Variants in CCDC178 observed in about 807,000 individuals in gnomAD.
The protein encoded by CCDC178 is coiled-coil domain-containing protein 178.
A neutral mutation model predicts 117.4 loss-of-function variants in CCDC178; 126 were observed. That is an observed-to-expected ratio of 1.07 (90% CI 0.93 to 1.24). The LOEUF is 1.24. CCDC178 is among the 50% of genes most tolerant of loss of function. The pLI is 0.00. For missense variants in CCDC178, 1,030 were observed against 986.9 expected (o/e 1.04, Z -0.59); for synonymous variants, 283 against 313.4 (o/e 0.90, Z 1.02).
chr18:33,090,688 A>G (rs1174158608), intron 21 of CCDC178, among the ~76,000 whole-genome samples: 2 of 152,212 alleles, frequency 1.3e-5, no homozygotes, highest in African/African-American at 2.4e-5. Flanking sequence ...TGACACTGAC[A>G]AGGGCAGCCT....
chr18:33,205,134 A>G (rs894407345), intron 20 of CCDC178, among the ~76,000 whole-genome samples: 10 of 152,136 alleles, frequency 6.6e-5, no homozygotes, highest in African/African-American at 9.6e-5. Flanking sequence ...ATAAAATTAA[A>G]TGACAATAGT....
intron 21 of CCDC178, among the ~76,000 whole-genome samples, chr18:33,057,564 T>C (rs2056851150): frequency 6.6e-6 from 1 of 152,160 alleles, no homozygotes; most frequent in South Asian, 2.1e-4. Flanking sequence ...CGATCTGGGC[T>C]CACTGCAACC....
chr18:33,020,839 G>A (rs2144827656), intron 21 of CCDC178, among the ~76,000 whole-genome samples: 1 of 151,974 alleles, frequency 6.6e-6, no homozygotes, highest in South Asian at 2.1e-4. Flanking sequence ...TGTATTTACT[G>A]ACTATATTTA....
chr18:33,287,673 A>G (rs1295295535), intron 12 of CCDC178, among the ~76,000 whole-genome samples: 1 of 152,078 alleles, frequency 6.6e-6, no homozygotes, highest in African/African-American at 2.4e-5. Context: ...CCAGCTACTC[A>G]GGAGGCTGTG....
At chr18:33,257,459 G>T (rs1361054196) in intron 14 of CCDC178, among the ~76,000 whole-genome samples, 1 of 151,918 alleles carries the variant, frequency 6.6e-6, no homozygotes, top group Non-Finnish European at 1.5e-5. Flanking sequence ...TAATTCCCTT[G>T]TTTACCAAGT....
intron 21 of CCDC178, among the ~76,000 whole-genome samples, chr18:33,011,949 G>A (rs1001325018): frequency 2.6e-5 from 4 of 152,084 alleles, no homozygotes; most frequent in African/African-American, 9.7e-5. Context: ...AAGACAGGAA[G>A]TGAACAAGCT....
intron 3 of CCDC178, among the ~76,000 whole-genome samples, chr18:33,411,137 A>G (rs780559884): frequency 6.6e-6 from 1 of 152,152 alleles, no homozygotes; most frequent in African/African-American, 2.4e-5. Flanking sequence ...CATAAAATGA[A>G]TGTTCATGAT....
chr18:32,942,791 T>C (rs1007305174), intron 22 of CCDC178, among the ~76,000 whole-genome samples: 4 of 152,182 alleles, frequency 2.6e-5, no homozygotes, highest in African/African-American at 9.7e-5. Context: ...TCTTGCAAAG[T>C]TAAGTAAGAG....
chr18:33,416,682 C>T (rs145397028), intron 2 of CCDC178, among the ~76,000 whole-genome samples: 2 of 152,250 alleles, frequency 1.3e-5, no homozygotes, highest in East Asian at 1.9e-4. Context: ...CCCACTCCCA[C>T]AAGTAAAGAA....
rs760751082 is a variant in CCDC178, at chr18:33,412,091, T to C, written c.-3A>G. ...GAAACTGTCTTGTTTTCAGTCATAG[T>C]TATAAGAATATTTTAAAACCTAATT... On this transcript the variant is annotated 5_prime_UTR_variant, in exon 3 of 23. Transcript: ENST00000383096. The C allele has an allele frequency of 2.1e-6, 3 of 1,420,450 alleles. No individual in the cohort carries two copies. The highest frequency in any genetic ancestry group is 1.8e-5 in the Admixed American group (1 of 55,996). 88.0% of individuals were successfully genotyped at this position (1,420,450 alleles called of 1,614,324 possible).
chr18:33,422,301 C>T (rs1001366413), intron 2 of CCDC178, among the ~76,000 whole-genome samples: 15 of 152,144 alleles, frequency 9.9e-5, no homozygotes, highest in African/African-American at 3.4e-4. Flanking sequence ...GAAACCATTT[C>T]ATTATTGTTT....
chr18:33,042,199 G>A (rs2056561600), intron 21 of CCDC178, among the ~76,000 whole-genome samples: 1 of 151,822 alleles, frequency 6.6e-6, no homozygotes, highest in South Asian at 2.1e-4. Context: ...TAATAATGGA[G>A]AAAACTGTCA....
chr18:33,058,043 G>C (rs1367795887), intron 21 of CCDC178, among the ~76,000 whole-genome samples: 4 of 152,078 alleles, frequency 2.6e-5, no homozygotes, highest in Non-Finnish European at 5.9e-5. Context: ...TCACTACATT[G>C]CTGATGGGAT....
intron 21 of CCDC178, among the ~76,000 whole-genome samples, chr18:33,020,616 T>C (rs2056095516): frequency 6.6e-6 from 1 of 152,210 alleles, no homozygotes; most frequent in Non-Finnish European, 1.5e-5. Context: ...CAATTGCTGA[T>C]CACAATGGGA....
chr18:33,392,582 C>T lies in CCDC178; in HGVS notation c.119-2953G>A, dbSNP rs556933188. Among the ~76,000 whole-genome samples, 24 of 152,206 alleles carry T rather than the reference C, an allele frequency of 1.6e-4. 2 individuals carry two copies. The South Asian group carries it at 5.0e-3, about 32-fold the overall frequency. Reference sequence around the variant, plus strand: ...ATCAAATTCTTGTGTAAGTCAGATACTGACACGAAAGAATCAAAATTGTAA... The same window carrying T: ...ATCAAATTCTTGTGTAAGTCAGATATTGACACGAAAGAATCAAAATTGTAA... On this transcript the variant is annotated intron_variant, in intron 4 of 22. Coordinates refer to ENST00000383096, the MANE Select transcript of CCDC178 (RefSeq NM_001105528.4).
At chr18:33,341,515 G>A (rs1194294590) in intron 9 of CCDC178, among the ~76,000 whole-genome samples, 1 of 152,190 alleles carries the variant, frequency 6.6e-6, no homozygotes, top group Non-Finnish European at 1.5e-5. Flanking sequence ...CTCCATTCAA[G>A]TCTCAACTTG....
intron 4 of CCDC178, 144 bp from the exon 5 acceptor site, chr18:33,389,773 C>A: frequency 2.4e-6 from 1 of 410,872 alleles, no homozygotes; most frequent in Non-Finnish European, 4.4e-6. Context: ...TAATCAAAAT[C>A]CACAGTAGAG....
At chr18:33,182,514 C>T (rs1417033024) in intron 20 of CCDC178, among the ~76,000 whole-genome samples, 2 of 151,872 alleles carry the variant, frequency 1.3e-5, no homozygotes, top group African/African-American at 4.8e-5. Flanking sequence ...ATATTGTGTG[C>T]TAAAGCATGT....
intron 21 of CCDC178, among the ~76,000 whole-genome samples, chr18:33,055,502 A>C (rs2056814983): frequency 6.6e-6 from 1 of 151,914 alleles, no homozygotes; most frequent in African/African-American, 2.4e-5. Flanking sequence ...ATGCCCCGCT[A>C]ATTTTTTGCA....
Sources: gnomAD v4.1 joint callset for allele counts (sites outside exome capture counted in the v4.1 genomes callset) on GRCh38, gnomAD v4.1.1 for gene constraint, MANE v1.5 for transcripts, NCBI Gene and HGNC (gene_info 2026-07-23, HGNC 2026-07-21) for gene names.